NUB1: variants seen among roughly 807,000 people sequenced by gnomAD.
The protein encoded by NUB1 is negative regulator of ubiquitin like proteins 1.
A neutral mutation model predicts 77.1 loss-of-function variants in NUB1; 41 were observed. That is an observed-to-expected ratio of 0.53 (90% CI 0.41 to 0.69). NUB1 has a LOEUF of 0.69. Among genes scored for constraint, NUB1 ranks in the 30% least tolerant of loss-of-function variants. NUB1 has a pLI of 0.00. For missense variants in NUB1, 643 were observed against 743.8 expected, an observed-to-expected ratio of 0.86 and a Z score of 1.58; for synonymous variants, 257 against 281.0, an observed-to-expected ratio of 0.91 and a Z score of 0.85.
intron 1 of NUB1, chr7:151,342,067 C>T: frequency 1.3e-6 from 1 of 754,706 alleles, no homozygotes; most frequent in Non-Finnish European, 1.8e-6. Flanking sequence ...TTTGGTTTGC[C>T]CTGAGTTAGG....
chr7:151,342,963 C>T (rs188669886), intron 1 of NUB1, among the ~76,000 whole-genome samples: 33 of 152,204 alleles, frequency 2.2e-4, no homozygotes, highest in Middle Eastern at 6.8e-3. Context: ...TGTGAGCCAC[C>T]GCGCCCGGCC....
rs745961599 is a variant in NUB1, at chr7:151,376,675, G to C, written c.1533G>C (p.Ala511=). The part of the protein sequence containing the change: ...MGFDALVAEA[A]LRVFRGNVQL... The stretch of plus-strand genomic sequence containing the variant: ...TTGATGCACTCGTGGCCGAAGCTGC[G>C]CTGAGAGTGTTCAGAGGCAACGTCC... Residue 511 remains alanine (A), a synonymous_variant, in exon 14 of 15, where the codon GCG becomes GCC. Transcript: ENST00000568733. 4.3e-6 allele frequency: 7 copies of C among 1,611,276 alleles called. No individual in the cohort carries two copies. The highest frequency in any genetic ancestry group is 5.9e-6 in the Non-Finnish European group (7 of 1,178,990).
At chr7:151,364,445 A>C (rs1238233322) in intron 8 of NUB1, among the ~76,000 whole-genome samples, 1 of 151,784 alleles carries the variant, frequency 6.6e-6, no homozygotes, top group Non-Finnish European at 1.5e-5. Flanking sequence ...AAAAAAACAA[A>C]AAAAAAAACA....
At chr7:151,360,367 G>C in intron 8 of NUB1, 120 bp downstream of exon 8, 1 of 553,276 alleles carries the variant, frequency 1.8e-6, no homozygotes. Flanking sequence ...TAATGTAAAA[G>C]AGTAGTTATG....
chr7:151,372,267 T>A (rs1241458392), intron 11 of NUB1, among the ~76,000 whole-genome samples: 1 of 152,274 alleles, frequency 6.6e-6, no homozygotes. Context: ...TTTGATCTAC[T>A]TTATCTTTCT....
chr7:151,374,295 C>A (rs1234378672), intron 12 of NUB1, 52 bp downstream of exon 12: 2 of 1,541,266 alleles, frequency 1.3e-6, no homozygotes, highest in South Asian at 2.4e-5. Context: ...TGGGTCCTGC[C>A]CAGAGCTCCC....
chr7:151,344,931 C>A (rs544232773), intron 1 of NUB1, among the ~76,000 whole-genome samples: 1 of 151,978 alleles, frequency 6.6e-6, no homozygotes, highest in South Asian at 2.1e-4. Context: ...ACCCAGGGGG[C>A]GGAGCTTGCA....
Position 151,355,852 on chromosome 7 carries a change from A to G in NUB1, c.500A>G (p.Lys167Arg), listed in dbSNP as rs540879088. 6.2e-6 allele frequency: 10 copies of G among 1,613,410 alleles called. No individual in the cohort carries two copies. The South Asian group carries it at 8.8e-5, about 14-fold the overall frequency. Residue 167 changes from lysine (K) to arginine (R), a missense_variant, in exon 6 of 15, where the codon AAA becomes AGA. Coordinates refer to ENST00000568733, the MANE Select transcript of NUB1 (RefSeq NM_001243351.2). ...AAACAATCTGAAGAGGACGCGAGGA[A>G]AAACTTCCAGTTAGAGGAAGAGGAG... ...ELKQSEEDARKNFQLEEEEQN... is the reference protein window; with the variant it reads ...ELKQSEEDARRNFQLEEEEQN...
chr7:151,356,325 CA>C, intron 7 of NUB1, 103 bp downstream of exon 7: 1 of 835,306 alleles, frequency 1.2e-6, no homozygotes, highest in South Asian at 1.5e-5. Context: ...GGGTTGGAAA[CA>C]GTGCTCCATC....
chr7:151,368,231 A>G (rs939253449), intron 10 of NUB1, among the ~76,000 whole-genome samples: 1 of 152,316 alleles, frequency 6.6e-6, no homozygotes, highest in East Asian at 1.9e-4. Context: ...GCCAGGCCGG[A>G]GCAGTGAGCA....
chr7:151,376,962 C>T, intron 14 of NUB1, 85 bp from the exon 15 acceptor site: 1 of 1,417,220 alleles, frequency 7.1e-7, no homozygotes, highest in Non-Finnish European at 9.4e-7. Context: ...CAGCAAGAGG[C>T]ACAGTCTGAG....
chr7:151,364,737 AC>A (rs1797584573), intron 8 of NUB1, among the ~76,000 whole-genome samples: 1 of 151,900 alleles, frequency 6.6e-6, no homozygotes, highest in Admixed American at 6.6e-5. Flanking sequence ...GCTGGTCTTG[AC>A]CCTCTGACCT....
At chr7:151,358,163 C>CG (rs1797176666) in intron 7 of NUB1, among the ~76,000 whole-genome samples, 1 of 151,664 alleles carries the variant, frequency 6.6e-6, no homozygotes, top group Admixed American at 6.6e-5. Flanking sequence ...TTAGTAGAGA[C>CG]GGGGTTTCAC....
intron 5 of NUB1, among the ~76,000 whole-genome samples, chr7:151,354,583 C>T (rs569473729): frequency 6.6e-6 from 1 of 151,984 alleles, no homozygotes; most frequent in Non-Finnish European, 1.5e-5. Flanking sequence ...CTAATTTATT[C>T]ATGGAGCCAG....
Position 151,341,857 on chromosome 7 carries a change from G to A in NUB1, c.-3+11G>A. 4.0e-6 allele frequency: 6 copies of A among 1,498,144 alleles called. No homozygotes were observed. The highest frequency in any genetic ancestry group is 5.3e-6 in the Non-Finnish European group (6 of 1,133,106). 92.8% of individuals were successfully genotyped at this position (1,498,144 alleles called of 1,614,324 possible). A position where few individuals can be genotyped will look rare whatever the true frequency, so the allele number is the denominator to read the frequency against. On this transcript the variant is annotated intron_variant, in intron 1 of 14. Coordinates refer to ENST00000568733, the MANE Select transcript of NUB1 (RefSeq NM_001243351.2). Reference sequence around the variant, plus strand: ...AGTGGCGTGGCGCAGGTGAGGACACGGCGGCCGAGTGTCCTCGACCCCAGC... The same window carrying A: ...AGTGGCGTGGCGCAGGTGAGGACACAGCGGCCGAGTGTCCTCGACCCCAGC...
chr7:151,343,176 T>A (rs958817816), intron 1 of NUB1, among the ~76,000 whole-genome samples: 1 of 152,230 alleles, frequency 6.6e-6, no homozygotes, highest in Non-Finnish European at 1.5e-5. Flanking sequence ...AGTACTAATA[T>A]GCTTTGCTGT....
Position 151,374,354 on chromosome 7 carries a change from G to A in NUB1, c.1395+111G>A, listed in dbSNP as rs539015076. 8.5e-4 allele frequency: 1,143 copies of A among 1,349,188 alleles called. 13 individuals are homozygous for A. The highest frequency in any genetic ancestry group is 5.5e-3 in the South Asian group (438 of 79,974). 83.6% of individuals were successfully genotyped at this position (1,349,188 alleles called of 1,614,324 possible). On this transcript the variant is annotated intron_variant, in intron 12 of 14. Transcript: ENST00000568733. ...CGGGCTCACTCCTATGGGCTGCCCCGTCATCCGGATCTGAAGGGCAGGTTT... is the reference window on the plus strand; with the variant it reads ...CGGGCTCACTCCTATGGGCTGCCCCATCATCCGGATCTGAAGGGCAGGTTT...
intron 13 of NUB1, chr7:151,376,379 C>T (rs1393310387): frequency 2.9e-5 from 15 of 514,426 alleles, no homozygotes; most frequent in African/African-American, 5.7e-5. Flanking sequence ...GCTGGTGTGG[C>T]GCCCTGCTCT....
chr7:151,357,370 C>T (rs142066587), intron 7 of NUB1, among the ~76,000 whole-genome samples: 1 of 152,048 alleles, frequency 6.6e-6, no homozygotes, highest in African/African-American at 2.4e-5. Flanking sequence ...ATGATCCGCC[C>T]GCCTCGGCCT....
Sources: gnomAD v4.1 joint callset for allele counts (sites outside exome capture counted in the v4.1 genomes callset) on GRCh38, gnomAD v4.1.1 for gene constraint, MANE v1.5 for transcripts, NCBI Gene and HGNC (gene_info 2026-07-23, HGNC 2026-07-21) for gene names.